Variants in ADAMTS3 observed in about 807,000 individuals in gnomAD.
The protein encoded by ADAMTS3 is ADAM metallopeptidase with thrombospondin type 1 motif 3.
Under a neutral mutation model 129.0 loss-of-function variants are expected in ADAMTS3, and 73 were observed. That is an observed-to-expected ratio of 0.57 (90% CI 0.47 to 0.69). The LOEUF (loss-of-function observed/expected upper bound fraction) is 0.69, where lower values mean the gene tolerates loss of function less well. Among genes scored for constraint, ADAMTS3 ranks in the 30% least tolerant of loss-of-function variants. The probability of loss-of-function intolerance (pLI) is 0.00; values close to 1 mark genes in which losing one functional copy is unlikely to be tolerated. For synonymous variants in ADAMTS3, 477 were observed against 510.8 expected (o/e 0.93, Z 0.89); for missense variants, 1,457 against 1,514.5 (o/e 0.96, Z 0.63).
chr4:72,314,996 A>G (rs1719353917), intron 11 of ADAMTS3, among the ~76,000 whole-genome samples: 2 of 152,202 alleles, frequency 1.3e-5, no homozygotes, highest in South Asian at 4.1e-4. Flanking sequence ...CCTTATGAGT[A>G]GCATAGCTTG....
chr4:72,568,660 G>C lies in ADAMTS3; in HGVS notation c.69+34C>G, dbSNP rs547382922. The C allele has an allele frequency of 1.1e-5, 16 of 1,438,996 alleles. No individual in the cohort carries two copies. The East Asian group carries it at 4.1e-4, about 36-fold the overall frequency. The allele number at this position is 1,438,996 out of a possible 1,614,324, so 89.1% of individuals were successfully genotyped here. On this transcript the variant is annotated intron_variant, in intron 1 of 21. Coordinates refer to ENST00000286657, the MANE Select transcript of ADAMTS3 (RefSeq NM_014243.3). ...AACTTTTCGGGAAAAGGTTGGGTTT[G>C]AGTTTTTTTTTATTGTTATTATTTT...
At chr4:72,288,488 T>C (rs1360249106) in intron 21 of ADAMTS3, among the ~76,000 whole-genome samples, 1 of 152,164 alleles carries the variant, frequency 6.6e-6, no homozygotes, top group Non-Finnish European at 1.5e-5. Flanking sequence ...TTGATAGACG[T>C]TACATATACA....
At chr4:72,335,299 A>T (rs1275776262) in intron 5 of ADAMTS3, among the ~76,000 whole-genome samples, 1 of 152,164 alleles carries the variant, frequency 6.6e-6, no homozygotes, top group Non-Finnish European at 1.5e-5. Flanking sequence ...CCAGATTTGC[A>T]TGGCAACACC....
At chr4:72,320,943 G>A (rs929253705) in intron 6 of ADAMTS3, 73 bp from the exon 7 acceptor site, 3 of 1,463,528 alleles carry the variant, frequency 2.0e-6, no homozygotes, top group Admixed American at 2.1e-5. Context: ...TTCCTCTGAA[G>A]CTGAATTTGG....
chr4:72,368,883 A>AT (rs1405560342), intron 4 of ADAMTS3, among the ~76,000 whole-genome samples: 3 of 152,174 alleles, frequency 2.0e-5, no homozygotes, highest in Non-Finnish European at 4.4e-5. Context: ...CAAAGGTATT[A>AT]TTTCCCCCCT....
chr4:72,403,741 A>G (rs547045243), intron 4 of ADAMTS3, among the ~76,000 whole-genome samples: 1 of 152,100 alleles, frequency 6.6e-6, no homozygotes, highest in Admixed American at 6.6e-5. Context: ...TTTTTAAAAT[A>G]AAAAGCTCCT....
chr4:72,529,605 C>T (rs1720907487), intron 3 of ADAMTS3, among the ~76,000 whole-genome samples: 1 of 138,716 alleles, frequency 7.2e-6, no homozygotes, highest in South Asian at 2.1e-4. Context: ...TACAGGTTTG[C>T]AGCCTGGCAG....
At chr4:72,540,088 A>G (rs116758107) in intron 3 of ADAMTS3, among the ~76,000 whole-genome samples, 2,085 of 152,290 alleles carry the variant, frequency 0.014, 18 homozygotes, top group Non-Finnish European at 0.022. Flanking sequence ...CAACAGGAAA[A>G]TGTGAGAATG....
At chr4:72,568,620 G>C in intron 1 of ADAMTS3, 74 bp downstream of exon 1, 1 of 1,109,252 alleles carries the variant, frequency 9.0e-7, no homozygotes, top group Non-Finnish European at 1.4e-6. Flanking sequence ...AAGAGAGGAG[G>C]GTAGAGAGGG....
At chr4:72,557,587 T>C (rs1368924445) in intron 2 of ADAMTS3, among the ~76,000 whole-genome samples, 9 of 151,854 alleles carry the variant, frequency 5.9e-5, no homozygotes, top group African/African-American at 2.2e-4. Flanking sequence ...TTATTCATTA[T>C]TAAGAAAGAA....
chr4:72,535,148 A>C (rs1457695142), intron 3 of ADAMTS3, among the ~76,000 whole-genome samples: 1 of 152,160 alleles, frequency 6.6e-6, no homozygotes. Context: ...GGTATGCAAA[A>C]TAAAGGACTG....
intron 4 of ADAMTS3, among the ~76,000 whole-genome samples, chr4:72,374,867 T>G (rs937231561): frequency 6.6e-6 from 1 of 152,218 alleles, no homozygotes; most frequent in Admixed American, 6.5e-5. Context: ...AATCTCTTGC[T>G]CTTGATATAA....
intron 3 of ADAMTS3, among the ~76,000 whole-genome samples, chr4:72,479,037 T>G (rs982096752): frequency 1.3e-5 from 2 of 151,868 alleles, no homozygotes; most frequent in Admixed American, 6.6e-5. Context: ...CTCAACGAAA[T>G]AAAAGAGGAT....
intron 3 of ADAMTS3, among the ~76,000 whole-genome samples, chr4:72,445,055 G>A (rs555806733): frequency 6.6e-6 from 1 of 151,422 alleles, no homozygotes; most frequent in Non-Finnish European, 1.5e-5. Flanking sequence ...GAAATGAGAG[G>A]AAATGGAGAC....
intron 3 of ADAMTS3, among the ~76,000 whole-genome samples, chr4:72,430,318 C>T (rs940421516): frequency 2.0e-5 from 3 of 151,970 alleles, no homozygotes; most frequent in South Asian, 4.1e-4. Context: ...CTGCTGTGGT[C>T]TCATGGAATA....
intron 4 of ADAMTS3, among the ~76,000 whole-genome samples, chr4:72,341,361 C>A (rs1720132659): frequency 6.6e-6 from 1 of 152,176 alleles, no homozygotes; most frequent in African/African-American, 2.4e-5. Context: ...CAAGGAATTA[C>A]ATTGGCTCCA....
At chr4:72,506,712 C>T (rs78857393) in intron 3 of ADAMTS3, among the ~76,000 whole-genome samples, 54 of 152,300 alleles carry the variant, frequency 3.5e-4, no homozygotes, top group African/African-American at 1.3e-3. Flanking sequence ...ACCTGGGTTG[C>T]TCACATACCC....
In ADAMTS3 at chr4:72,424,018, A is replaced by G. The variant is rs371983230; in HGVS notation, c.505-9047T>C. 4.2e-4 allele frequency among the ~76,000 whole-genome samples: 64 copies of G among 152,204 alleles called. No homozygotes were observed. In the East Asian group the frequency reaches 0.011, roughly 25 times the overall value. On this transcript the variant is annotated intron_variant, in intron 3 of 21. Coordinates refer to ENST00000286657, the MANE Select transcript of ADAMTS3 (RefSeq NM_014243.3). ...ATTTCTATGGCATTTATCACTGTCA[A>G]CTTTGTATTACAATTATTTATGTTA...
At chr4:72,396,385 T>C (rs913197846) in intron 4 of ADAMTS3, among the ~76,000 whole-genome samples, 1 of 152,034 alleles carries the variant, frequency 6.6e-6, no homozygotes, top group Non-Finnish European at 1.5e-5. Context: ...AATAACATGG[T>C]ATATGACAAA....
Sources: allele counts gnomAD v4.1 joint callset (sites outside exome capture counted in the v4.1 genomes callset), GRCh38; gene constraint gnomAD v4.1.1; transcripts MANE v1.5; gene names NCBI Gene and HGNC (gene_info 2026-07-23, HGNC 2026-07-21).